The following PRSS55 variants were observed in gnomAD, a reference collection of about 807,000 sequenced individuals.
PRSS55 encodes the protein serine protease 55.
PRSS55 carries 41 observed loss-of-function variants against 23.6 expected under a neutral mutation model. The observed-to-expected ratio is 1.74, with a 90% CI of 1.35 to 2.26. The LOEUF is 2.26. PRSS55 is among the 30% of genes most tolerant of loss of function. The probability of loss-of-function intolerance (pLI) is 0.00; values close to 1 mark genes in which losing one functional copy is unlikely to be tolerated. For synonymous variants in PRSS55, 262 were observed against 175.5 expected (o/e 1.49, Z -3.90); for missense variants, 669 against 439.1 (o/e 1.52, Z -4.68).
At chr8:10,542,413 G>GT (rs1563546261), downstream of PRSS55, among the ~76,000 whole-genome samples, 1 of 32,840 alleles carries the variant, frequency 3.0e-5, no homozygotes, top group Non-Finnish European at 6.3e-5. Context: ...GAAGCACCAT[G>GT]CGGGGGAAAA....
intron 1 of PRSS55, among the ~76,000 whole-genome samples, chr8:10,526,395 C>T (rs148086631): frequency 5.4e-4 from 83 of 152,308 alleles, no homozygotes; most frequent in African/African-American, 1.6e-3. Flanking sequence ...GTGACCGCAG[C>T]GCCAGGCTGC....
chr8:10,530,875 G>T (rs535168580), intron 2 of PRSS55, among the ~76,000 whole-genome samples: 1 of 152,088 alleles, frequency 6.6e-6, no homozygotes, highest in Non-Finnish European at 1.5e-5. Context: ...CTAACTTCTG[G>T]TCCTGAGTTT....
At chr8:10,542,419 G>GGGGAAGAA (rs60800512), downstream of PRSS55, among the ~76,000 whole-genome samples, 45 of 133,526 alleles carry the variant, frequency 3.4e-4, no homozygotes, top group Middle Eastern at 3.8e-3. Flanking sequence ...CCATGCGGGG[G>GGGGAAGAA]AAAAAAAAAA....
In PRSS55 at chr8:10,548,099, G is replaced by C. The variant is rs185289728; in HGVS notation, c.742-5844G>C. On this transcript the variant is annotated intron_variant, in intron 4 of 4. Transcript: ENST00000522210. The stretch of plus-strand genomic sequence containing the variant: ...GAAAGAGTGTCTCGGGGATCTCTGG[G>C]CCTTTCCAGAACAGAGATTCCCAGA... Among the ~76,000 whole-genome samples, 929 of 152,254 alleles carry C rather than the reference G, an allele frequency of 6.1e-3. 11 individuals are homozygous for C. The highest frequency in any genetic ancestry group is 0.021 in the African/African-American group (892 of 41,530).
chr8:10,550,568 A>G (rs1379764218), intron 4 of PRSS55, among the ~76,000 whole-genome samples: 1 of 152,132 alleles, frequency 6.6e-6, no homozygotes, highest in East Asian at 1.9e-4. Flanking sequence ...TTGACTGGAG[A>G]AAATTGGAGC....
chr8:10,526,287 GACA>G (rs1260237179), intron 1 of PRSS55, among the ~76,000 whole-genome samples: 2 of 152,342 alleles, frequency 1.3e-5, no homozygotes, highest in African/African-American at 2.4e-5. Flanking sequence ...TCTGCTCTCA[GACA>G]ACGTGTGGAT....
intron 4 of PRSS55, among the ~76,000 whole-genome samples, chr8:10,535,008 C>A (rs546614349): frequency 2.4e-4 from 37 of 152,246 alleles, no homozygotes; most frequent in African/African-American, 8.7e-4. Context: ...TACAGACAAT[C>A]AGGGAGGTGA....
chr8:10,548,891 C>T (rs1461745002), intron 4 of PRSS55, among the ~76,000 whole-genome samples: 1 of 152,000 alleles, frequency 6.6e-6, no homozygotes, highest in East Asian at 1.9e-4. Context: ...CTAGGAATGG[C>T]CAGCCCCAGA....
chr8:10,552,685 C>A (rs890049363), intron 4 of PRSS55, among the ~76,000 whole-genome samples: 1 of 152,198 alleles, frequency 6.6e-6, no homozygotes, highest in Non-Finnish European at 1.5e-5. Context: ...CATCACTAAT[C>A]ATCAAGGAAA....
intron 4 of PRSS55, among the ~76,000 whole-genome samples, chr8:10,548,457 G>T (rs1782284130): frequency 6.6e-6 from 1 of 152,126 alleles, no homozygotes; most frequent in African/African-American, 2.4e-5. Flanking sequence ...TCACGGGTGG[G>T]GCCCTGGGCC....
chr8:10,529,151 T>C (rs1370021969), intron 1 of PRSS55, among the ~76,000 whole-genome samples: 1 of 152,232 alleles, frequency 6.6e-6, no homozygotes, highest in Admixed American at 6.5e-5. Context: ...CTTTGGGGGC[T>C]ATTGTCCTGC....
In PRSS55 at chr8:10,531,360, A is replaced by G. The variant is rs747672990; in HGVS notation, c.413A>G (p.Glu138Gly). Reference protein sequence around the residue: ...DLTSPSMEIKEVASIILHKDF... With the variant: ...DLTSPSMEIKGVASIILHKDF... Reference sequence around the variant, plus strand: ...ACTAGCCCATCCATGGAAATAAAGGAGGTCGCCAGCATCATTCTTCACAAA... The same window carrying G: ...ACTAGCCCATCCATGGAAATAAAGGGGGTCGCCAGCATCATTCTTCACAAA... Residue 138 changes from glutamate to glycine, a missense_variant, in exon 3 of 5, where the codon GAG becomes GGG. Physicochemically the swap from Glu to Gly is moderately conservative, Grantham distance 98 (BLOSUM62 -2). Coordinates refer to ENST00000328655, the MANE Select transcript of PRSS55 (RefSeq NM_198464.4). 1 of 1,614,164 alleles carries G rather than the reference A, an allele frequency of 6.2e-7. No homozygotes were observed.
chr8:10,538,388 G>A lies in PRSS55; in HGVS notation c.742-88G>A, dbSNP rs553147070. 2.7e-5 allele frequency: 29 copies of A among 1,063,508 alleles called. No homozygotes were observed. In the African/African-American group the frequency reaches 3.3e-4, roughly 12 times the overall value. The allele number at this position is 1,063,508 out of a possible 1,614,324, so 65.9% of individuals were successfully genotyped here. On this transcript the variant is annotated intron_variant, in intron 4 of 4. Transcript: ENST00000328655. ...GTTGGCAGCCAGAGTTGGGGAGGCT[G>A]AGGAATCTTCCATGAATGAGCTGTG...
At position 10,531,460 on chromosome 8, in the gene PRSS55, G is replaced by C; in HGVS notation, c.513G>C (p.Leu171=). 3.1e-6 allele frequency: 5 copies of C among 1,614,142 alleles called. No homozygotes were observed. Among genetic ancestry groups the C allele is most frequent in the Non-Finnish European group, 4.2e-6 (5 of 1,180,052 alleles). ...CTTCGCCCATCAAGCTCGATGACCT[G>C]AAGGTGCCCATCTGCCTCCCCACGC... The part of the protein sequence containing the change: ...LLASPIKLDD[L]KVPICLPTQP... The change falls in exon 3 of 5, where the codon CTG becomes CTC. Residue 171 remains leucine (L), a synonymous_variant. Transcript: ENST00000328655.
At chr8:10,544,940 T>C (rs1812777676) in intron 4 of PRSS55, 1 of 801,592 alleles carries the variant, frequency 1.2e-6, no homozygotes, top group Non-Finnish European at 1.5e-6. Flanking sequence ...ATAAAGTATG[T>C]ATTTATAGAA....
chr8:10,531,852 C>T (rs1011566684), intron 3 of PRSS55: 1 of 354,884 alleles, frequency 2.8e-6, no homozygotes, highest in East Asian at 5.4e-5. Context: ...AACATCTTCC[C>T]TGATTCCCAC....
intron 4 of PRSS55, among the ~76,000 whole-genome samples, chr8:10,549,727 T>G (rs1376955689): frequency 6.6e-6 from 1 of 152,128 alleles, no homozygotes; most frequent in Non-Finnish European, 1.5e-5. Flanking sequence ...CCCCCTGACT[T>G]TGGAGAAAGA....
In PRSS55 at chr8:10,531,311, G is replaced by A; in HGVS notation, c.364G>A (p.Val122Ile). The A allele has an allele frequency of 1.2e-6, 2 of 1,614,098 alleles. No homozygotes were observed. Among genetic ancestry groups the A allele is most frequent in the South Asian group, 1.1e-5 (1 of 91,078 alleles). ...SEELFPEELS[V>I]VLGTNDLTSP... ...TGCCACCAGTCCAGAAGAACTGAGTGTCGTGCTGGGGACCAACGACTTAAC... is the reference window on the plus strand; with the variant it reads ...TGCCACCAGTCCAGAAGAACTGAGTATCGTGCTGGGGACCAACGACTTAAC... The change falls in exon 3 of 5, where the codon GTC becomes ATC. Residue 122 changes from valine (V) to isoleucine (I), a missense_variant. Val to Ile is a conservative substitution (Grantham distance 29). Coordinates refer to ENST00000328655, the MANE Select transcript of PRSS55 (RefSeq NM_198464.4).
downstream of PRSS55, among the ~76,000 whole-genome samples, chr8:10,542,054 G>C (rs1244641066): frequency 6.6e-6 from 1 of 152,168 alleles, no homozygotes; most frequent in East Asian, 1.9e-4. Context: ...TGTGATGACA[G>C]GCATTAAGTC....
Sources: gnomAD v4.1 joint callset for allele counts (sites outside exome capture counted in the v4.1 genomes callset) on GRCh38, gnomAD v4.1.1 for gene constraint, MANE v1.5 for transcripts, NCBI Gene and HGNC (gene_info 2026-07-23, HGNC 2026-07-21) for gene names.